The following PTPRN2 variants were observed in gnomAD, a reference collection of about 807,000 sequenced individuals.
PTPRN2 encodes protein tyrosine phosphatase receptor type N2.
PTPRN2 carries 74 observed loss-of-function variants against 118.8 expected under a neutral mutation model. The ratio of observed to expected loss-of-function variants is 0.62; its 90% CI spans 0.52 to 0.76. PTPRN2 has a LOEUF of 0.76. Ranked by LOEUF, PTPRN2 falls within the 30% of genes least tolerant of loss-of-function variation. PTPRN2 has a pLI of 0.00. For synonymous variants in PTPRN2, 641 were observed against 608.0 expected, an observed-to-expected ratio of 1.05 and a Z score of -0.80; for missense variants, 1,481 against 1,394.4, an observed-to-expected ratio of 1.06 and a Z score of -0.99.
chr7:158,535,367 G>A (rs1405072524), intron 1 of PTPRN2, among the ~76,000 whole-genome samples: 1 of 152,148 alleles, frequency 6.6e-6, no homozygotes, highest in African/African-American at 2.4e-5. Flanking sequence ...GCTGAGCCTT[G>A]TTTTTCCTTT....
chr7:158,108,289 C>T (rs1815854100), intron 10 of PTPRN2, among the ~76,000 whole-genome samples: 1 of 152,068 alleles, frequency 6.6e-6, no homozygotes. Context: ...GCTCCCATTG[C>T]CACCACACCC....
At chr7:157,620,628 C>G (rs1360521376) in intron 15 of PTPRN2, among the ~76,000 whole-genome samples, 1 of 152,216 alleles carries the variant, frequency 6.6e-6, no homozygotes, top group Non-Finnish European at 1.5e-5. Context: ...GAACATGTCT[C>G]AAGTCACTCG....
intron 1 of PTPRN2, among the ~76,000 whole-genome samples, chr7:158,558,174 C>CG (rs746158800): frequency 1.3e-5 from 2 of 152,054 alleles, no homozygotes; most frequent in African/African-American, 2.4e-5. Flanking sequence ...TCTGGAGAGA[C>CG]GGGGTCTTGC....
At chr7:158,106,224 CCTAGCTTCCCCGCAGCTCCCT>C (rs1331791976) in intron 10 of PTPRN2, among the ~76,000 whole-genome samples, 6 of 152,092 alleles carry the variant, frequency 3.9e-5, no homozygotes, top group Admixed American at 2.6e-4. Flanking sequence ...GCCCCATCCA[CCTAGCTTCCCCGCAGCTCCCT>C]CTAGCTTCCC....
rs1802999160 is a variant in PTPRN2 at position 158,321,335 on chromosome 7, T to A, written c.164-4403A>T. 2.6e-5 allele frequency among the ~76,000 whole-genome samples: 4 copies of A among 152,264 alleles called. No homozygotes were observed. In the South Asian group the frequency reaches 8.3e-4, roughly 32 times the overall value. ...CTCTGCGGGACTCCTGCCTTCGTGT[T>A]CTTGGGACACAGCCAGGACCCCACC... On this transcript the variant is annotated intron_variant, in intron 2 of 22. Transcript: ENST00000389418.
At chr7:158,507,162 C>T (rs1822810450) in intron 1 of PTPRN2, among the ~76,000 whole-genome samples, 1 of 152,246 alleles carries the variant, frequency 6.6e-6, no homozygotes, top group African/African-American at 2.4e-5. Context: ...GGATGTGGGG[C>T]AAGGACTGCA....
chr7:158,238,598 T>C (rs1795705333), intron 3 of PTPRN2, among the ~76,000 whole-genome samples: 1 of 152,216 alleles, frequency 6.6e-6, no homozygotes, highest in Non-Finnish European at 1.5e-5. Context: ...CAGGATGCTT[T>C]ACTTTCCTTG....
At position 158,446,381 on chromosome 7, in the gene PTPRN2, G is replaced by A. The variant is rs554496587; in HGVS notation, c.163+43354C>T. ...GCCAGTATGAGGTGTTGCTGTGGTC[G>A]GACCACGCTGGGCCCACTCACGATG... is the stretch of plus-strand genomic sequence containing the variant. On this transcript the variant is annotated intron_variant, in intron 2 of 22. Coordinates refer to ENST00000389418, the MANE Select transcript of PTPRN2 (RefSeq NM_002847.5). Among the ~76,000 whole-genome samples the A allele has an allele frequency of 3.0e-4, 46 of 152,320 alleles. 1 individual carries two copies. Among genetic ancestry groups the A allele is most frequent in the African/African-American group, 1.1e-3 (44 of 41,574 alleles).
chr7:157,642,041 G>C (rs1804700009), intron 14 of PTPRN2, among the ~76,000 whole-genome samples: 1 of 152,144 alleles, frequency 6.6e-6, no homozygotes, highest in African/African-American at 2.4e-5. Context: ...ACCAAAACCT[G>C]GTCTCAAATG....
chr7:157,770,629 A>G (rs1424336977), intron 12 of PTPRN2, among the ~76,000 whole-genome samples: 3 of 152,226 alleles, frequency 2.0e-5, no homozygotes, highest in Admixed American at 6.5e-5. Context: ...ATTTTGCCCA[A>G]TGACAGAGCA....
chr7:158,266,397 G>A (rs112622935), intron 3 of PTPRN2, among the ~76,000 whole-genome samples: 3 of 146,556 alleles, frequency 2.0e-5, no homozygotes, highest in African/African-American at 2.5e-5. Context: ...GGCTGGGGAC[G>A]GTGTCTGCTG....
chr7:157,784,600 C>T lies in PTPRN2; in HGVS notation c.1789-101663G>A, dbSNP rs1049279868. On this transcript the variant is annotated intron_variant, in intron 12 of 22. Transcript: ENST00000389418. The surrounding 1 kb of genome is among the most constrained non-coding windows in gnomAD (Gnocchi z 4.6). Reference sequence around the variant, plus strand: ...CTTGAAGAGCAACTGACCCATGAAACGGGCAGGGGCTGGGCTGATCCCATA... The same window carrying T: ...CTTGAAGAGCAACTGACCCATGAAATGGGCAGGGGCTGGGCTGATCCCATA... Among the ~76,000 whole-genome samples the T allele has an allele frequency of 8.2e-5, 10 of 121,628 alleles. No individual in the cohort carries two copies. The highest frequency in any genetic ancestry group is 1.2e-4 in the African/African-American group (4 of 32,732). The allele number at this position is 121,628 out of a possible 152,430, so 79.8% of individuals were successfully genotyped here. A position where few individuals can be genotyped will look rare whatever the true frequency, so the allele number is the denominator to read the frequency against.
rs1289043100 is a variant in PTPRN2 at position 158,216,153 on chromosome 7, A to C, written c.278-10880T>G. The stretch of plus-strand genomic sequence containing the variant: ...TCACCCAAACTGGTAAAATTATGAC[A>C]CCAGTAAACTTTAATGTTATGAATA... On this transcript the variant is annotated intron_variant, in intron 3 of 22. Coordinates refer to ENST00000389418, the MANE Select transcript of PTPRN2 (RefSeq NM_002847.5). 2.0e-5 allele frequency among the ~76,000 whole-genome samples: 3 copies of C among 152,180 alleles called. No homozygotes were observed. The East Asian group carries it at 5.8e-4, about 29-fold the overall frequency.
chr7:157,539,641 G>A lies in PTPRN2; in HGVS notation c.*1073C>T, dbSNP rs1188560035. 1 of 152,248 alleles carries A rather than the reference G, an allele frequency of 6.6e-6. No individual in the cohort carries two copies. Among genetic ancestry groups the A allele is most frequent in the Non-Finnish European group, 1.5e-5 (1 of 68,076 alleles). 9.4% of individuals were successfully genotyped at this position (152,248 alleles called of 1,614,324 possible). ...GATCCCGGGAAGAGGGGCAGGGCCG[G>A]TCGGCTGGTTTCTCACTTCCCTTCC... On this transcript the variant is annotated 3_prime_UTR_variant, in exon 23 of 23. Coordinates refer to ENST00000389418, the MANE Select transcript of PTPRN2 (RefSeq NM_002847.5).
Position 157,874,806 on chromosome 7 carries a change from GAC to G in PTPRN2, c.1788+23865_1788+23866del, listed in dbSNP as rs988010252. On this transcript the variant is annotated intron_variant, in intron 12 of 22. Coordinates refer to ENST00000389418, the MANE Select transcript of PTPRN2 (RefSeq NM_002847.5). This position sits in a 1 kb window ranked among gnomAD's most constrained non-coding sequence, Gnocchi z 5.8. ...ACACTCATACACATATACACACAGA[GAC>G]ACACTCATGGACACACACAGAGACA... 9.1e-6 allele frequency among the ~76,000 whole-genome samples: 1 copy of G among 109,306 alleles called. No individual in the cohort carries two copies. Among genetic ancestry groups the G allele is most frequent in the African/African-American group, 3.2e-5 (1 of 31,556 alleles). The allele number at this position is 109,306 out of a possible 152,430, so 71.7% of individuals were successfully genotyped here. A position where few individuals can be genotyped will look rare whatever the true frequency, so the allele number is the denominator to read the frequency against.
intron 6 of PTPRN2, among the ~76,000 whole-genome samples, chr7:158,163,546 A>G (rs1415814568): frequency 7.0e-6 from 1 of 143,714 alleles, no homozygotes; most frequent in Admixed American, 7.0e-5. Context: ...TTCTCTGTGT[A>G]TTTCATAGGT....
chr7:157,977,117 G>C lies in PTPRN2; in HGVS notation c.1724-78380C>G, dbSNP rs2128824176. Among the ~76,000 whole-genome samples the C allele has an allele frequency of 6.6e-6, 1 of 152,074 alleles. No homozygotes were observed. The highest frequency in any genetic ancestry group is 2.4e-5 in the African/African-American group (1 of 41,554). Reference sequence around the variant, plus strand: ...GTAGGAACCACAGCTAATAGTCCATGAATCTAATAATTAGTTAACTGATTA... The same window carrying C: ...GTAGGAACCACAGCTAATAGTCCATCAATCTAATAATTAGTTAACTGATTA... On this transcript the variant is annotated intron_variant, in intron 11 of 22. Transcript: ENST00000389418. The surrounding 1 kb of genome is among the most constrained non-coding windows in gnomAD (Gnocchi z 4.6).
intron 2 of PTPRN2, among the ~76,000 whole-genome samples, chr7:158,332,455 T>C (rs1185749588): frequency 2.0e-5 from 3 of 147,302 alleles, no homozygotes; most frequent in Non-Finnish European, 3.0e-5. Flanking sequence ...ACCCACACTC[T>C]CACCATAAGA....
At chr7:158,481,469 T>C (rs1361697509) in intron 2 of PTPRN2, among the ~76,000 whole-genome samples, 1 of 152,220 alleles carries the variant, frequency 6.6e-6, no homozygotes, top group South Asian at 2.1e-4. Flanking sequence ...TCAAGACATA[T>C]ATACAAATAT....
Sources: gnomAD v4.1 joint callset for allele counts (sites outside exome capture counted in the v4.1 genomes callset) on GRCh38, gnomAD v4.1.1 for gene constraint, Gnocchi (gnomAD v3.1) non-coding constraint, MANE v1.5 for transcripts, NCBI Gene and HGNC (gene_info 2026-07-23, HGNC 2026-07-21) for gene names.